The following MRPL50 variants were observed in gnomAD, a reference collection of about 807,000 sequenced individuals.
MRPL50 encodes the protein large ribosomal subunit protein mL50.
MRPL50 carries 10 observed loss-of-function variants against 16.2 expected under a neutral mutation model. The ratio of observed to expected loss-of-function variants is 0.62; its 90% confidence interval spans 0.38 to 1.05. The LOEUF is 1.05. Ranked by LOEUF, MRPL50 falls within the 50% of genes least tolerant of loss-of-function variation. The pLI, the probability that MRPL50 is intolerant of heterozygous loss-of-function variation, is 0.01. For synonymous variants in MRPL50, 68 were observed against 66.8 expected (o/e 1.02, Z -0.09); for missense variants, 213 against 187.1 (o/e 1.14, Z -0.81).
In MRPL50 at chr9:101,388,562, A is replaced by C. The variant is rs980621562; in HGVS notation, c.*1904T>G. 1 of 152,108 alleles carries C rather than the reference A, an allele frequency of 6.6e-6. No homozygotes were observed. The highest frequency in any genetic ancestry group is 1.5e-5 in the Non-Finnish European group (1 of 68,008). 9.4% of individuals were successfully genotyped at this position (152,108 alleles called of 1,614,324 possible). A position where few individuals can be genotyped will look rare whatever the true frequency, so the allele number is the denominator to read the frequency against. ...ATTACATCATATGTTTGATTATCTCATTCAACAACAGCAAGCCTAATTTAA... is the reference window on the plus strand; with the variant it reads ...ATTACATCATATGTTTGATTATCTCCTTCAACAACAGCAAGCCTAATTTAA... On this transcript the variant is annotated 3_prime_UTR_variant, in exon 2 of 2. Transcript: ENST00000374865.
chr9:101,394,930 T>C lies in MRPL50; in HGVS notation c.92+3571A>G, dbSNP rs180897361. Among the ~76,000 whole-genome samples the C allele has an allele frequency of 8.5e-5, 13 of 152,152 alleles. No homozygotes were observed. In the East Asian group the frequency reaches 1.9e-3, roughly 23 times the overall value. ...GGCAACAAGAACAAAAATCAACAAA[T>C]GGGATTATATCAAACTAAAAAGCTT... On this transcript the variant is annotated intron_variant, in intron 1 of 1. Coordinates refer to ENST00000374865, the MANE Select transcript of MRPL50 (RefSeq NM_019051.3).
chr9:101,389,745 C>A lies in MRPL50; in HGVS notation c.*721G>T, dbSNP rs768118456. The A allele has an allele frequency of 9.1e-6, 2 of 219,872 alleles. No individual in the cohort carries two copies. Among genetic ancestry groups the A allele is most frequent in the Non-Finnish European group, 1.8e-5 (2 of 113,604 alleles). 13.6% of individuals were successfully genotyped at this position (219,872 alleles called of 1,614,324 possible). On this transcript the variant is annotated 3_prime_UTR_variant, in exon 2 of 2. Coordinates refer to ENST00000374865, the MANE Select transcript of MRPL50 (RefSeq NM_019051.3). ...TTGCCACTCTAGTGAATACTCAGCA[C>A]CACTTTTTAAAAGTTATAGAGAAAA...
At chr9:101,398,413 A>G in intron 1 of MRPL50, 88 bp downstream of exon 1, 4 of 1,297,656 alleles carry the variant, frequency 3.1e-6, no homozygotes, top group Non-Finnish European at 4.4e-6. Context: ...GCGCGGGACC[A>G]CGATGGCGTA....
At chr9:101,396,423 T>C (rs2118146039) in intron 1 of MRPL50, among the ~76,000 whole-genome samples, 1 of 152,290 alleles carries the variant, frequency 6.6e-6, no homozygotes, top group East Asian at 1.9e-4. Flanking sequence ...ACACAATATT[T>C]AAGGCTGAAT....
At chr9:101,395,056 C>T (rs1414021470) in intron 1 of MRPL50, among the ~76,000 whole-genome samples, 2 of 151,918 alleles carry the variant, frequency 1.3e-5, no homozygotes, top group Non-Finnish European at 2.9e-5. Context: ...CCAGAATATA[C>T]AAGGAACCCA....
At position 101,389,331 on chromosome 9, in the gene MRPL50, G is replaced by T; in HGVS notation, c.*1135C>A. 1 of 547,434 alleles carries T rather than the reference G, an allele frequency of 1.8e-6. No homozygotes were observed. The highest frequency in any genetic ancestry group is 2.8e-6 in the Non-Finnish European group (1 of 359,502). The allele number at this position is 547,434 out of a possible 1,614,324, so 33.9% of individuals were successfully genotyped here. The stretch of plus-strand genomic sequence containing the variant: ...CCAAGGAATCAACTCTAATGTCTAA[G>T]CTCCAGAGCTCCAGGCACTCTGACA... On this transcript the variant is annotated 3_prime_UTR_variant, in exon 2 of 2. Transcript: ENST00000374865.
intron 1 of MRPL50, among the ~76,000 whole-genome samples, chr9:101,397,902 A>G (rs767132633): frequency 6.6e-6 from 1 of 152,232 alleles, no homozygotes; most frequent in African/African-American, 2.4e-5. Flanking sequence ...GTTAGGAGAC[A>G]TATGTTCTAG....
chr9:101,397,498 T>C (rs768972558), intron 1 of MRPL50, among the ~76,000 whole-genome samples: 4 of 152,224 alleles, frequency 2.6e-5, no homozygotes, highest in Non-Finnish European at 5.9e-5. Flanking sequence ...CATTTGTTCA[T>C]TTCTTCCTCC....
chr9:101,390,459 G>T lies in MRPL50; in HGVS notation c.*7C>A, dbSNP rs201150236. On this transcript the variant is annotated 3_prime_UTR_variant, in exon 2 of 2. Coordinates refer to ENST00000374865, the MANE Select transcript of MRPL50 (RefSeq NM_019051.3). The stretch of plus-strand genomic sequence containing the variant: ...AGTGATTTCAATGTGTTTCTCTTCC[G>T]AATTGCTTAGTAACTCCAAGTGATT... The T allele has an allele frequency of 6.2e-7, 1 of 1,604,826 alleles. No homozygotes were observed. Among genetic ancestry groups the T allele is most frequent in the South Asian group, 1.1e-5 (1 of 89,554 alleles).
In MRPL50 at chr9:101,396,874, G is replaced by A. The variant is rs150452373; in HGVS notation, c.92+1627C>T. Among the ~76,000 whole-genome samples, 431 of 152,084 alleles carry A rather than the reference G, an allele frequency of 2.8e-3. 4 individuals are homozygous for A. Among genetic ancestry groups the A allele is most frequent in the African/African-American group, 8.7e-3 (362 of 41,460 alleles). ...GGAGAATCGCTTGAACCTGGGAGGC[G>A]GAGGTTGCAGTGAGCCAAGATAGCG... On this transcript the variant is annotated intron_variant, in intron 1 of 1. Coordinates refer to ENST00000374865, the MANE Select transcript of MRPL50 (RefSeq NM_019051.3).
intron 1 of MRPL50, among the ~76,000 whole-genome samples, 192 bp downstream of exon 1, chr9:101,398,309 A>C (rs957018374): frequency 1.3e-5 from 2 of 152,184 alleles, no homozygotes; most frequent in African/African-American, 4.8e-5. Flanking sequence ...TGAGAAAACT[A>C]AGGCCGAGAG....
intron 1 of MRPL50, among the ~76,000 whole-genome samples, chr9:101,393,835 T>C (rs909145937): frequency 1.3e-5 from 2 of 151,728 alleles, no homozygotes; most frequent in African/African-American, 2.4e-5. Context: ...ATTGGGAGAA[T>C]TGATGTTGTT....
intron 1 of MRPL50, among the ~76,000 whole-genome samples, chr9:101,392,240 T>G (rs1470606367): frequency 6.6e-6 from 1 of 151,780 alleles, no homozygotes; most frequent in Non-Finnish European, 1.5e-5. Context: ...AATCTAAAGA[T>G]GTACCTTAAA....
chr9:101,397,272 G>C (rs917504304), intron 1 of MRPL50, among the ~76,000 whole-genome samples: 2 of 152,132 alleles, frequency 1.3e-5, no homozygotes, highest in African/African-American at 4.8e-5. Flanking sequence ...ACCAGCCTGT[G>C]CAACATAGTG....
At position 101,390,573 on chromosome 9, in the gene MRPL50, T is replaced by C. The variant is rs1830257272; in HGVS notation, c.370A>G (p.Arg124Gly). Reference protein sequence around the residue: ...NSRLHQMCRVRDVLDFYNVPI... With the variant: ...NSRLHQMCRVGDVLDFYNVPI... ...ACATTATAGAAATCAAGAACATCTC[T>C]AACCCTGCACATCTGGTGGAGTCTG... Residue 124 changes from arginine (R) to glycine (G), a missense_variant, in exon 2 of 2, where the codon AGA (arginine) becomes GGA (glycine). Arg to Gly is a moderately radical substitution (Grantham distance 125). Transcript: ENST00000374865. 6.2e-7 allele frequency: 1 copy of C among 1,613,476 alleles called. No individual in the cohort carries two copies.
Position 101,390,498 on chromosome 9 carries a change from G to A in MRPL50, c.445C>T (p.Pro149Ser), listed in dbSNP as rs909841380. ...KFDELSASNL[P>S]PNLKITWSY is the part of the protein sequence containing the mutation. Reference sequence around the variant, plus strand: ...CTCCAAGTGATTTTCAAATTGGGGGGCAGATTACTGGCACTGAGTTCATCA... The same window carrying A: ...CTCCAAGTGATTTTCAAATTGGGGGACAGATTACTGGCACTGAGTTCATCA... Residue 149 changes from proline to serine, a missense_variant, in exon 2 of 2, where the codon CCC becomes TCC. Pro to Ser is a moderately conservative substitution (Grantham distance 74). Coordinates refer to ENST00000374865, the MANE Select transcript of MRPL50 (RefSeq NM_019051.3). 3.1e-6 allele frequency: 5 copies of A among 1,611,504 alleles called. No individual in the cohort carries two copies. The African/African-American group carries it at 4.0e-5, about 13-fold the overall frequency.
At chr9:101,397,416 T>TA (rs1830368805) in intron 1 of MRPL50, among the ~76,000 whole-genome samples, 1 of 152,202 alleles carries the variant, frequency 6.6e-6, no homozygotes, top group Non-Finnish European at 1.5e-5. Context: ...AAAGAAAATA[T>TA]AATCATCATT....
intron 1 of MRPL50, among the ~76,000 whole-genome samples, chr9:101,392,180 A>G (rs1830282402): frequency 6.6e-6 from 1 of 152,084 alleles, no homozygotes; most frequent in Admixed American, 6.5e-5. Context: ...GTAAGAGGGA[A>G]GCTTATAGTA....
At chr9:101,396,543 T>TA (rs34184365) in intron 1 of MRPL50, among the ~76,000 whole-genome samples, 1 of 152,168 alleles carries the variant, frequency 6.6e-6, no homozygotes, top group Admixed American at 6.5e-5. Flanking sequence ...TATTCAGCCT[T>TA]AAAAAAGGAT....
Sources: gnomAD v4.1 joint callset for allele counts (sites outside exome capture counted in the v4.1 genomes callset) on GRCh38, gnomAD v4.1.1 for gene constraint, MANE v1.5 for transcripts, NCBI Gene and HGNC (gene_info 2026-07-23, HGNC 2026-07-21) for gene names.